TMC7: variants seen among roughly 807,000 people sequenced by gnomAD.
TMC7 encodes transmembrane channel-like protein 7.
TMC7 carries 54 observed loss-of-function variants against 82.9 expected under a neutral mutation model. That is an observed-to-expected ratio of 0.65 (90% CI 0.52 to 0.82). The LOEUF (loss-of-function observed/expected upper bound fraction) is 0.82, where lower values mean the gene tolerates loss of function less well. Ranked by LOEUF, TMC7 falls within the 40% of genes least tolerant of loss-of-function variation. The pLI is 0.00. For missense variants in TMC7, 820 were observed against 901.2 expected (o/e 0.91, Z 1.15); for synonymous variants, 350 against 337.9 (o/e 1.04, Z -0.39).
At chr16:19,043,127 C>T (rs1190805617) in intron 9 of TMC7, among the ~76,000 whole-genome samples, 1 of 151,988 alleles carries the variant, frequency 6.6e-6, no homozygotes, top group African/African-American at 2.4e-5. Flanking sequence ...TCACCGTCTC[C>T]GCCCACCTCC....
At chr16:19,034,614 G>GTAAATAAA (rs71374450) in intron 6 of TMC7, among the ~76,000 whole-genome samples, 173 of 150,174 alleles carry the variant, frequency 1.2e-3, no homozygotes, top group Non-Finnish European at 1.9e-3. Context: ...AAATAAATAA[G>GTAAATAAA]TAAATAAATA....
Position 19,009,313 on chromosome 16 carries a change from C to G in TMC7, c.209C>G (p.Thr70Ser). 1 of 1,614,198 alleles carries G rather than the reference C, an allele frequency of 6.2e-7. No individual in the cohort carries two copies. ...DKQSGTLLKP[T>S]DSYSSQLEDR... ...CAAAGCGGAACTTTGCTAAAGCCAA[C>G]CGACTCTTACAGCTCCCAGCTGGAG... Residue 70 changes from threonine (T) to serine (S), a missense_variant, in exon 2 of 16, where the codon ACC (threonine) becomes AGC (serine). By Grantham distance (58) the Thr-to-Ser change is moderately conservative. Transcript: ENST00000304381.
At chr16:19,028,018 T>G (rs1960316427) in intron 5 of TMC7, among the ~76,000 whole-genome samples, 1 of 152,140 alleles carries the variant, frequency 6.6e-6, no homozygotes, top group Non-Finnish European at 1.5e-5. Flanking sequence ...ACTTACATGG[T>G]CTTGCTTGAT....
intron 8 of TMC7, 72 bp from the exon 9 acceptor site, chr16:19,040,217 T>C: frequency 7.0e-7 from 1 of 1,419,174 alleles, no homozygotes; most frequent in African/African-American, 1.4e-5. Flanking sequence ...AGTTGAGTTC[T>C]TTTTTGTTCT....
intron 1 of TMC7, among the ~76,000 whole-genome samples, chr16:19,002,486 C>T (rs548612941): frequency 3.9e-5 from 6 of 152,242 alleles, no homozygotes; most frequent in Non-Finnish European, 8.8e-5. Flanking sequence ...ATCCACCCGC[C>T]TTGGCCTCCC....
At chr16:19,057,101 T>C (rs1040200945) in intron 14 of TMC7, among the ~76,000 whole-genome samples, 2 of 152,166 alleles carry the variant, frequency 1.3e-5, no homozygotes, top group African/African-American at 4.8e-5. Context: ...ATCATACCAC[T>C]GCACTCCAGC....
intron 1 of TMC7, among the ~76,000 whole-genome samples, chr16:19,006,828 C>T (rs185183453): frequency 6.6e-6 from 1 of 152,022 alleles, no homozygotes; most frequent in African/African-American, 2.4e-5. Context: ...TTTTGTTTTG[C>T]TTTTTTGAGA....
chr16:19,006,589 T>A (rs2039244572), intron 1 of TMC7, among the ~76,000 whole-genome samples: 1 of 152,192 alleles, frequency 6.6e-6, no homozygotes, highest in Admixed American at 6.5e-5. Flanking sequence ...GACTTTAACG[T>A]TTCCATTCTC....
intron 12 of TMC7, among the ~76,000 whole-genome samples, chr16:19,048,915 G>A (rs529318695): frequency 2.6e-5 from 4 of 152,014 alleles, no homozygotes; most frequent in African/African-American, 9.7e-5. Context: ...GATAATAATG[G>A]TGTTAGTAAT....
At chr16:19,044,747 A>G (rs55792501) in intron 9 of TMC7, 137 bp from the exon 10 acceptor site, 507,338 of 533,006 alleles carry the variant, frequency 0.95, 242,080 homozygotes, top group Non-Finnish European at 0.97. Context: ...CAGCCTGGGC[A>G]ACAGAGCAAA....
In TMC7 at chr16:19,037,969, T is replaced by C. The variant is rs1960834764; in HGVS notation, c.1101T>C (p.Cys367=). 3.7e-6 allele frequency: 6 copies of C among 1,614,038 alleles called. No individual in the cohort carries two copies. The highest frequency in any genetic ancestry group is 5.1e-6 in the Non-Finnish European group (6 of 1,180,014). Residue 367 remains cysteine, a synonymous_variant, in exon 8 of 16, where the codon TGT becomes TGC. Transcript: ENST00000304381. ...RIYSLRLFLN[C]IVLAVLGACF... Reference sequence around the variant, plus strand: ...ACTCTTTGAGACTGTTTTTGAACTGTATTGTTCTGGCTGTTTTAGGGGCAT... The same window carrying C: ...ACTCTTTGAGACTGTTTTTGAACTGCATTGTTCTGGCTGTTTTAGGGGCAT...
At chr16:19,049,776 C>A (rs945154266) in intron 12 of TMC7, 35 of 393,476 alleles carry the variant, frequency 8.9e-5, no homozygotes, top group African/African-American at 7.3e-4. Context: ...TACTCAGTGT[C>A]CTCTGGCTCA....
chr16:19,056,858 C>T (rs1961798891), intron 14 of TMC7, among the ~76,000 whole-genome samples, 161 bp downstream of exon 14: 1 of 152,112 alleles, frequency 6.6e-6, no homozygotes, highest in East Asian at 1.9e-4. Flanking sequence ...GGCGCGGTGG[C>T]TCATGCCTGT....
intron 1 of TMC7, among the ~76,000 whole-genome samples, chr16:18,999,351 G>A (rs1488511935): frequency 6.6e-6 from 1 of 152,162 alleles, no homozygotes; most frequent in East Asian, 1.9e-4. Context: ...CCACTGTATT[G>A]GACAGTGCAG....
At position 18,984,449 on chromosome 16, in the gene TMC7, G is replaced by A. The variant is rs576385812; in HGVS notation, c.67+319G>A. ...AGCCTCATCTGCTGTTAAATGAAAG[G>A]ATTTGAGCACCCCCTCCACGCCTAA... On this transcript the variant is annotated intron_variant, in intron 1 of 15. Coordinates refer to ENST00000304381, the MANE Select transcript of TMC7 (RefSeq NM_024847.4). 98 of 1,166,500 alleles carry A rather than the reference G, an allele frequency of 8.4e-5. No individual in the cohort carries two copies. The African/African-American group carries it at 1.5e-3, about 18-fold the overall frequency. The allele number at this position is 1,166,500 out of a possible 1,614,324, so 72.3% of individuals were successfully genotyped here.
intron 9 of TMC7, among the ~76,000 whole-genome samples, chr16:19,043,725 A>G (rs1961128549): frequency 6.6e-6 from 1 of 152,110 alleles, no homozygotes; most frequent in Admixed American, 6.6e-5. Context: ...GATGTGTGCC[A>G]CCATGCCCAG....
At chr16:19,023,951 A>G (rs1960105970) in intron 5 of TMC7, among the ~76,000 whole-genome samples, 1 of 152,152 alleles carries the variant, frequency 6.6e-6, no homozygotes, top group South Asian at 2.1e-4. Flanking sequence ...GCGATGCACA[A>G]CCTCACACTT....
chr16:19,024,772 C>T (rs557073797), intron 5 of TMC7, among the ~76,000 whole-genome samples: 8 of 151,982 alleles, frequency 5.3e-5, no homozygotes, highest in East Asian at 1.9e-4. Flanking sequence ...TTTGGGAGGC[C>T]GAGGTGGGTG....
At chr16:19,040,554 G>A (rs1371996402) in intron 9 of TMC7, 108 bp downstream of exon 9, 2 of 1,018,386 alleles carry the variant, frequency 2.0e-6, no homozygotes, top group Admixed American at 4.5e-5. Flanking sequence ...TTCCTGCTGA[G>A]CCAAGAGTCC....
Sources: allele counts gnomAD v4.1 joint callset (sites outside exome capture counted in the v4.1 genomes callset), GRCh38; gene constraint gnomAD v4.1.1; transcripts MANE v1.5; gene names NCBI Gene and HGNC (gene_info 2026-07-23, HGNC 2026-07-21).